Variants in PAMR1 observed in about 807,000 individuals in gnomAD.
PAMR1 encodes the protein peptidase domain containing associated with muscle regeneration 1.
PAMR1 carries 88 observed loss-of-function variants against 81.8 expected under a neutral mutation model. The ratio of observed to expected loss-of-function variants is 1.08; its 90% CI spans 0.91 to 1.28. The LOEUF (loss-of-function observed/expected upper bound fraction) is 1.28. Ranked by LOEUF, PAMR1 falls within the 50% of genes most tolerant of loss-of-function variation. The pLI is 0.00. For missense variants in PAMR1, 935 were observed against 919.7 expected, an observed-to-expected ratio of 1.02 and a Z score of -0.21; for synonymous variants, 336 against 345.3, an observed-to-expected ratio of 0.97 and a Z score of 0.30.
chr11:35,464,588 C>T (rs1339264374), intron 6 of PAMR1, among the ~76,000 whole-genome samples: 1 of 152,032 alleles, frequency 6.6e-6, no homozygotes, highest in Non-Finnish European at 1.5e-5. Flanking sequence ...CCAAATGTCC[C>T]CTGTGAGTAG....
rs1851280898 is a variant in PAMR1 at position 35,521,633 on chromosome 11, G to T, written c.73+3880C>A. 2.0e-5 allele frequency among the ~76,000 whole-genome samples: 3 copies of T among 152,184 alleles called. No individual in the cohort carries two copies. In the South Asian group the frequency reaches 6.2e-4, roughly 32 times the overall value. On this transcript the variant is annotated intron_variant, in intron 1 of 10. Transcript: ENST00000619888. ...CCTCTTTGCCACAACCAGCCAAGAAGCAGCAACAATGCCAGTAAAACAGGA... is the reference window on the plus strand; with the variant it reads ...CCTCTTTGCCACAACCAGCCAAGAATCAGCAACAATGCCAGTAAAACAGGA...
intron 1 of PAMR1, among the ~76,000 whole-genome samples, chr11:35,501,435 T>TA (rs1284620641): frequency 3.3e-5 from 5 of 152,138 alleles, no homozygotes; most frequent in African/African-American, 9.7e-5. Context: ...ACCCAGCCAA[T>TA]AAACTTTTTA....
chr11:35,466,470 G>A (rs969215225), intron 6 of PAMR1, among the ~76,000 whole-genome samples: 1 of 152,134 alleles, frequency 6.6e-6, no homozygotes, highest in Non-Finnish European at 1.5e-5. Context: ...GCTCACCCCT[G>A]TAATCCCAGC....
intron 1 of PAMR1, among the ~76,000 whole-genome samples, chr11:35,498,672 C>T (rs1459541581): frequency 2.0e-5 from 3 of 152,168 alleles, no homozygotes; most frequent in African/African-American, 4.8e-5. Flanking sequence ...CCTTTGAGGC[C>T]TATGCTCACC....
intron 9 of PAMR1, 38 bp downstream of exon 9, chr11:35,435,865 T>C (rs757143150): frequency 2.7e-6 from 4 of 1,469,312 alleles, no homozygotes; most frequent in Admixed American, 1.7e-5. Context: ...TCATGAAAGA[T>C]TGAGCATGCT....
intron 3 of PAMR1, among the ~76,000 whole-genome samples, chr11:35,487,277 C>A (rs1411085513): frequency 6.6e-6 from 1 of 151,672 alleles, no homozygotes; most frequent in African/African-American, 2.4e-5. Flanking sequence ...AACTTAGAAA[C>A]TCTACTCTCT....
rs141352683 is a variant in PAMR1 at position 35,521,920 on chromosome 11, T to G, written c.73+3593A>C. ...TTCAAATCGTTTTTTGTTTGGTTTT[T>G]TTTTGTTTTGTTTTGTTTTGGAGAC... On this transcript the variant is annotated intron_variant, in intron 1 of 10. Transcript: ENST00000619888. 4.9e-3 allele frequency among the ~76,000 whole-genome samples: 749 copies of G among 152,108 alleles called. 7 individuals carry two copies. Among genetic ancestry groups the G allele is most frequent in the African/African-American group, 0.016 (673 of 41,460 alleles).
intron 8 of PAMR1, 56 bp downstream of exon 8, chr11:35,439,560 GGGAAGGGGAAT>G (rs1410764536): frequency 7.9e-7 from 1 of 1,272,706 alleles, no homozygotes; most frequent in Non-Finnish European, 1.2e-6. Flanking sequence ...AACACAAGTG[GGGAAGGGGAAT>G]GGAAGGGGAA....
chr11:35,470,877 CT>C, intron 4 of PAMR1, 59 bp from the exon 5 acceptor site: 2 of 1,219,138 alleles, frequency 1.6e-6, no homozygotes, highest in Non-Finnish European at 2.4e-6. Flanking sequence ...CCTGAGACCG[CT>C]GGGCTCATTC....
In PAMR1 at chr11:35,518,251, G is replaced by T. The variant is rs149248199; in HGVS notation, c.73+7262C>A. The stretch of plus-strand genomic sequence containing the variant: ...TTCTGCTTGTATCCAAGTAAGCAAA[G>T]GTAGGTTGAAAATTATAGGAGTAGA... On this transcript the variant is annotated intron_variant, in intron 1 of 10. Transcript: ENST00000619888. Among the ~76,000 whole-genome samples the T allele has an allele frequency of 1.3e-3, 196 of 151,870 alleles. 1 individual carries two copies. The highest frequency in any genetic ancestry group is 4.6e-3 in the African/African-American group (191 of 41,444).
At chr11:35,502,547 A>G (rs2135409807) in intron 1 of PAMR1, among the ~76,000 whole-genome samples, 2 of 152,232 alleles carry the variant, frequency 1.3e-5, no homozygotes, top group Middle Eastern at 6.8e-3. Flanking sequence ...TGCTGAGGAT[A>G]ATGGCTTCTG....
chr11:35,520,234 C>A (rs1393628219), intron 1 of PAMR1, among the ~76,000 whole-genome samples: 2 of 152,158 alleles, frequency 1.3e-5, no homozygotes, highest in African/African-American at 2.4e-5. Context: ...CCACTCTCAA[C>A]CCACGTGGGC....
intron 6 of PAMR1, among the ~76,000 whole-genome samples, chr11:35,464,589 CTG>C (rs1229321290): frequency 6.6e-6 from 1 of 152,102 alleles, no homozygotes; most frequent in Non-Finnish European, 1.5e-5. Flanking sequence ...CAAATGTCCC[CTG>C]TGAGTAGAGA....
At chr11:35,482,798 T>C (rs1254523825) in intron 3 of PAMR1, among the ~76,000 whole-genome samples, 2 of 152,214 alleles carry the variant, frequency 1.3e-5, no homozygotes, top group African/African-American at 4.8e-5. Context: ...TTTGTAGCAA[T>C]TGTGAATGGG....
At chr11:35,499,261 T>A (rs2676462) in intron 1 of PAMR1, among the ~76,000 whole-genome samples, 1 of 151,676 alleles carries the variant, frequency 6.6e-6, no homozygotes, top group Non-Finnish European at 1.5e-5. Flanking sequence ...CCAGGTGGCC[T>A]GCCTTGGGTT....
At chr11:35,466,842 T>C (rs936832782) in intron 6 of PAMR1, among the ~76,000 whole-genome samples, 18 of 151,412 alleles carry the variant, frequency 1.2e-4, no homozygotes, top group African/African-American at 3.9e-4. Context: ...ACCTGTGCAC[T>C]CTAGTTAGAA....
At chr11:35,438,228 G>A (rs1282953899) in intron 8 of PAMR1, among the ~76,000 whole-genome samples, 5 of 152,150 alleles carry the variant, frequency 3.3e-5, no homozygotes, top group Non-Finnish European at 7.3e-5. Context: ...TAACTTCTCT[G>A]AGCTTCAGTT....
At chr11:35,448,351 T>TC (rs370315590) in intron 6 of PAMR1, among the ~76,000 whole-genome samples, 8 of 152,266 alleles carry the variant, frequency 5.3e-5, no homozygotes, top group African/African-American at 1.7e-4. Flanking sequence ...ATTTTTTTTT[T>TC]CTCTAATCTT....
chr11:35,491,146 C>T (rs1850617188), intron 3 of PAMR1, among the ~76,000 whole-genome samples: 1 of 152,116 alleles, frequency 6.6e-6, no homozygotes, highest in African/African-American at 2.4e-5. Context: ...AACTGAACTC[C>T]CCAGTTCACC....
Sources: gnomAD v4.1 joint callset for allele counts (sites outside exome capture counted in the v4.1 genomes callset) on GRCh38, gnomAD v4.1.1 for gene constraint, MANE v1.5 for transcripts, NCBI Gene and HGNC (gene_info 2026-07-23, HGNC 2026-07-21) for gene names.